Variants in STARD13 observed in about 807,000 individuals in gnomAD.
STARD13 encodes the protein StAR related lipid transfer domain containing 13, also known as stAR-related lipid transfer protein 13.
In STARD13, 62 loss-of-function variants were observed where a neutral mutation model predicts 106.4. That is an observed-to-expected ratio of 0.58 (90% CI 0.48 to 0.72). The LOEUF is 0.72. STARD13 is among the 30% of genes least tolerant of loss of function. STARD13 has a pLI of 0.00. For missense variants in STARD13, 1,387 were observed against 1,424.0 expected, an observed-to-expected ratio of 0.97 and a Z score of 0.42; for synonymous variants, 565 against 553.0, an observed-to-expected ratio of 1.02 and a Z score of -0.31.
chr13:33,301,463 G>C (rs1892704053), intron 1 of STARD13, among the ~76,000 whole-genome samples: 1 of 152,080 alleles, frequency 6.6e-6, no homozygotes, highest in Admixed American at 6.5e-5. Flanking sequence ...GTATAGAGGG[G>C]GCTAACGTAT....
the STARD13 span, among the ~76,000 whole-genome samples, chr13:33,442,291 A>G: frequency 1.1e-4 from 16 of 152,214 alleles, no homozygotes; most frequent in African/African-American, 3.4e-4. Flanking sequence ...AACAAAACAC[A>G]GAAGTATGCT....
the STARD13 span, among the ~76,000 whole-genome samples, chr13:33,423,391 G>T: frequency 6.6e-6 from 1 of 152,188 alleles, no homozygotes; most frequent in African/African-American, 2.4e-5. Flanking sequence ...AAACCACAAT[G>T]AGATACCATC....
At chr13:33,455,020 G>C in the STARD13 span, among the ~76,000 whole-genome samples, 1 of 152,204 alleles carries the variant, frequency 6.6e-6, no homozygotes, top group African/African-American at 2.4e-5. Context: ...GCTGGCTTTT[G>C]TTCAAAGATA....
intron 1 of STARD13, among the ~76,000 whole-genome samples, chr13:33,274,832 T>C (rs962362559): frequency 1.3e-5 from 2 of 152,194 alleles, no homozygotes; most frequent in Admixed American, 6.5e-5. Flanking sequence ...AACCCAAATG[T>C]CCCATCTATT....
chr13:33,579,857 A>G, the STARD13 span, among the ~76,000 whole-genome samples: 2 of 152,028 alleles, frequency 1.3e-5, no homozygotes, highest in Non-Finnish European at 2.9e-5. Flanking sequence ...GCAAGTTAAA[A>G]CAATAATGAA....
chr13:33,430,009 C>T, the STARD13 span, among the ~76,000 whole-genome samples: 1 of 151,940 alleles, frequency 6.6e-6, no homozygotes, highest in Non-Finnish European at 1.5e-5. Flanking sequence ...GCTCCGCCTC[C>T]CAGGTTCGCG....
intron 1 of STARD13, among the ~76,000 whole-genome samples, chr13:33,211,694 A>C (rs1173791570): frequency 2.0e-5 from 3 of 152,194 alleles, no homozygotes; most frequent in Non-Finnish European, 4.4e-5. Flanking sequence ...AATAATGACA[A>C]GGGAAAGAAG....
chr13:33,379,528 G>C, the STARD13 span, among the ~76,000 whole-genome samples: 2 of 152,192 alleles, frequency 1.3e-5, no homozygotes, highest in Non-Finnish European at 2.9e-5. Context: ...GAGGTTTTCT[G>C]TTTGTATATC....
chr13:33,615,284 T>G, the STARD13 span, among the ~76,000 whole-genome samples: 1 of 152,078 alleles, frequency 6.6e-6, no homozygotes, highest in South Asian at 2.1e-4. Context: ...TTGGGGACTG[T>G]GGGCAGAAGC....
At chr13:33,258,764 C>A (rs117511810) in intron 1 of STARD13, among the ~76,000 whole-genome samples, 1 of 152,332 alleles carries the variant, frequency 6.6e-6, no homozygotes, top group East Asian at 1.9e-4. Flanking sequence ...AACTCTGGAG[C>A]CACAGTGACC....
the STARD13 span, among the ~76,000 whole-genome samples, chr13:33,661,006 G>C: frequency 3.9e-3 from 599 of 152,272 alleles, 9 homozygotes; most frequent in South Asian, 0.011. Flanking sequence ...TTTATAAATA[G>C]ATTCCATGTG....
the STARD13 span, among the ~76,000 whole-genome samples, chr13:33,666,016 C>T: frequency 6.6e-6 from 1 of 152,152 alleles, no homozygotes; most frequent in African/African-American, 2.4e-5. Flanking sequence ...TGACTTGTCC[C>T]TGAAGAAAGA....
At chr13:33,617,427 G>A in the STARD13 span, among the ~76,000 whole-genome samples, 1 of 152,094 alleles carries the variant, frequency 6.6e-6, no homozygotes, top group African/African-American at 2.4e-5. Flanking sequence ...AAGGGCACAG[G>A]AACAGAATGT....
At chr13:33,403,270 C>T in the STARD13 span, among the ~76,000 whole-genome samples, 1 of 152,216 alleles carries the variant, frequency 6.6e-6, no homozygotes, top group Non-Finnish European at 1.5e-5. Context: ...GGGAACTCTC[C>T]TGTTTCAGTG....
chr13:33,532,296 T>A, the STARD13 span, among the ~76,000 whole-genome samples: 1 of 152,214 alleles, frequency 6.6e-6, no homozygotes, highest in Non-Finnish European at 1.5e-5. Context: ...TGAAAAAAAC[T>A]GAAGTTTATC....
the STARD13 span, among the ~76,000 whole-genome samples, chr13:33,396,221 C>G: frequency 3.0e-3 from 459 of 152,176 alleles, 5 homozygotes; most frequent in African/African-American, 0.01. Context: ...GTTTTGAACT[C>G]CTGGGCTTAA....
At chr13:33,625,299 T>C in the STARD13 span, among the ~76,000 whole-genome samples, 16,666 of 152,158 alleles carry the variant, frequency 0.11, 2,240 homozygotes, top group African/African-American at 0.32. Context: ...AGTCCGGGTG[T>C]GGTGGCTCAC....
At chr13:33,640,127 C>T in the STARD13 span, among the ~76,000 whole-genome samples, 3 of 152,148 alleles carry the variant, frequency 2.0e-5, no homozygotes, top group Non-Finnish European at 4.4e-5. Flanking sequence ...GCCTAGTTTT[C>T]CCTTAACAGG....
chr13:33,293,143 G>A (rs73468179), intron 1 of STARD13, among the ~76,000 whole-genome samples: 1,800 of 152,272 alleles, frequency 0.012, 32 homozygotes, highest in African/African-American at 0.04. Flanking sequence ...AGTGAAGGCA[G>A]TATCCCCTTA....
Sources: allele counts gnomAD v4.1 joint callset (sites outside exome capture counted in the v4.1 genomes callset), GRCh38; gene constraint gnomAD v4.1.1; transcripts MANE v1.5; gene names NCBI Gene and HGNC (gene_info 2026-07-23, HGNC 2026-07-21).